Variants in KCNH8 observed in about 807,000 individuals in gnomAD.
KCNH8 encodes potassium voltage-gated channel subfamily H member 8.
Under a neutral mutation model 103.6 loss-of-function variants are expected in KCNH8, and 70 were observed. That is an observed-to-expected ratio of 0.68 (90% CI 0.56 to 0.82). The LOEUF is 0.82. Ranked by LOEUF, KCNH8 falls within the 40% of genes least tolerant of loss-of-function variation. The pLI, the probability that KCNH8 is intolerant of heterozygous loss-of-function variation, is 0.00. For missense variants in KCNH8, 1,217 were observed against 1,329.9 expected, an observed-to-expected ratio of 0.92 and a Z score of 1.32; for synonymous variants, 498 against 489.4, an observed-to-expected ratio of 1.02 and a Z score of -0.23.
intron 15 of KCNH8, 30 bp downstream of exon 15, chr3:19,518,104 A>AGACCAAAG: frequency 1.3e-6 from 2 of 1,540,330 alleles, no homozygotes; most frequent in Non-Finnish European, 1.8e-6. Context: ...GTCATGCCTA[A>AGACCAAAG]ATGGTAAGAG....
chr3:19,299,984 C>T (rs2065045027), intron 3 of KCNH8, among the ~76,000 whole-genome samples: 1 of 151,940 alleles, frequency 6.6e-6, no homozygotes, highest in Non-Finnish European at 1.5e-5. Context: ...CATGGTAGCT[C>T]ACGCCTGTAA....
At chr3:19,392,147 A>G (rs1156432434) in intron 6 of KCNH8, among the ~76,000 whole-genome samples, 1 of 150,320 alleles carries the variant, frequency 6.7e-6, no homozygotes, top group Non-Finnish European at 1.5e-5. Flanking sequence ...TAACATTCTC[A>G]TTCCCCAGAA....
At chr3:19,514,190 G>C (rs572995109) in intron 13 of KCNH8, among the ~76,000 whole-genome samples, 9 of 152,084 alleles carry the variant, frequency 5.9e-5, no homozygotes, top group Admixed American at 2.0e-4. Context: ...TGGATTCAAA[G>C]TTTGTTTTTC....
At position 19,275,507 on chromosome 3, in the gene KCNH8, A is replaced by G. The variant is rs551284335; in HGVS notation, c.311-5691A>G. On this transcript the variant is annotated intron_variant, in intron 2 of 15. Transcript: ENST00000328405. ...AGGGGTATTGACCCGACGTAAATTC[A>G]GTGAGGACTGAGCAAAGACTTGCAG... is the stretch of plus-strand genomic sequence containing the variant. Among the ~76,000 whole-genome samples, 78 of 152,234 alleles carry G rather than the reference A, an allele frequency of 5.1e-4. 1 individual carries two copies. Among genetic ancestry groups the G allele is most frequent in the African/African-American group, 1.9e-3 (78 of 41,540 alleles).
chr3:19,284,258 A>G (rs1219617368), intron 3 of KCNH8, among the ~76,000 whole-genome samples: 4 of 152,160 alleles, frequency 2.6e-5, no homozygotes, highest in Non-Finnish European at 4.4e-5. Flanking sequence ...ATTAATTAAT[A>G]CTGAGGTTCA....
At chr3:19,174,343 A>G (rs1227157530) in intron 1 of KCNH8, among the ~76,000 whole-genome samples, 1 of 152,200 alleles carries the variant, frequency 6.6e-6, no homozygotes, top group Non-Finnish European at 1.5e-5. Context: ...TTTAAAACAC[A>G]AATATGGCAG....
At chr3:19,300,289 G>A (rs566214685) in intron 3 of KCNH8, among the ~76,000 whole-genome samples, 2 of 151,754 alleles carry the variant, frequency 1.3e-5, no homozygotes, top group East Asian at 1.9e-4. Flanking sequence ...ATATGAACAG[G>A]TGTTATATAA....
intron 10 of KCNH8, among the ~76,000 whole-genome samples, chr3:19,452,236 T>C (rs1176297825): frequency 1.3e-5 from 2 of 151,958 alleles, no homozygotes; most frequent in Non-Finnish European, 2.9e-5. Flanking sequence ...ATACAAATAA[T>C]TAGCTGGCCA....
intron 1 of KCNH8, among the ~76,000 whole-genome samples, chr3:19,198,253 A>G (rs1575429834): frequency 6.6e-6 from 1 of 152,132 alleles, no homozygotes; most frequent in Non-Finnish European, 1.5e-5. Flanking sequence ...CTTTATGTAT[A>G]GGGACAGGAT....
chr3:19,510,485 T>C, intron 12 of KCNH8, 84 bp downstream of exon 12: 1 of 879,028 alleles, frequency 1.1e-6, no homozygotes, highest in Non-Finnish European at 1.9e-6. Context: ...TCTTCAGAAT[T>C]TCATGTATTT....
intron 10 of KCNH8, among the ~76,000 whole-genome samples, chr3:19,454,381 C>T (rs1257780068): frequency 1.3e-5 from 2 of 152,012 alleles, no homozygotes; most frequent in Admixed American, 6.6e-5. Flanking sequence ...TACCACTAAA[C>T]GTTTTATAGC....
chr3:19,378,847 C>T (rs950258420), intron 5 of KCNH8, among the ~76,000 whole-genome samples: 1 of 152,148 alleles, frequency 6.6e-6, no homozygotes, highest in Non-Finnish European at 1.5e-5. Context: ...AAAAAATTCT[C>T]CTTGCAAAAC....
chr3:19,284,556 GGA>G lies in KCNH8; in HGVS notation c.442+3240_442+3241del, dbSNP rs1477149173. Among the ~76,000 whole-genome samples, 756 of 134,548 alleles carry G rather than the reference GGA, an allele frequency of 5.6e-3. 3 individuals carry two copies. The highest frequency in any genetic ancestry group is 8.5e-3 in the Non-Finnish European group (528 of 61,908). The allele number at this position is 134,548 out of a possible 152,430, so 88.3% of individuals were successfully genotyped here. On this transcript the variant is annotated intron_variant, in intron 3 of 15. Transcript: ENST00000328405. The stretch of plus-strand genomic sequence containing the variant: ...GTGTGTGTGTGTGTGTGTGTGTGAG[GGA>G]GAGAGAGAGAGAAAGAGAGAGACAG...
chr3:19,198,482 TA>T (rs1213288520), intron 1 of KCNH8, among the ~76,000 whole-genome samples: 3 of 152,000 alleles, frequency 2.0e-5, no homozygotes, highest in East Asian at 1.9e-4. Context: ...TCCTGCCGTT[TA>T]AAAAAAAGAT....
intron 1 of KCNH8, among the ~76,000 whole-genome samples, chr3:19,156,908 A>T (rs2063185868): frequency 6.6e-6 from 1 of 151,800 alleles, no homozygotes; most frequent in South Asian, 2.1e-4. Context: ...TTTTCTCCAC[A>T]ATGAACTTGC....
At position 19,288,193 on chromosome 3, in the gene KCNH8, T is replaced by C. The variant is rs867904046; in HGVS notation, c.442+6864T>C. Among the ~76,000 whole-genome samples the C allele has an allele frequency of 2.1e-3, 271 of 131,506 alleles. 1 individual carries two copies. Among genetic ancestry groups the C allele is most frequent in the African/African-American group, 9.7e-3 (254 of 26,284 alleles). 86.3% of individuals were successfully genotyped at this position (131,506 alleles called of 152,430 possible). ...GTGTATCAAACTTCTTTTTTTTTTTTTTTTTTTTTTTTTTTTTTAGTATTA... is the reference window on the plus strand; with the variant it reads ...GTGTATCAAACTTCTTTTTTTTTTTCTTTTTTTTTTTTTTTTTTAGTATTA... On this transcript the variant is annotated intron_variant, in intron 3 of 15. Transcript: ENST00000328405.
At position 19,513,088 on chromosome 3, in the gene KCNH8, G is replaced by A. The variant is rs2125242635; in HGVS notation, c.2198G>A (p.Arg733Lys). The A allele has an allele frequency of 6.2e-7, 1 of 1,613,850 alleles. No homozygotes were observed. The highest frequency in any genetic ancestry group is 8.5e-7 in the Non-Finnish European group (1 of 1,179,910). The change falls in exon 13 of 16, where the codon AGG becomes AAG. Residue 733 changes from arginine (R) to lysine (K), a missense_variant. Arg to Lys is a conservative substitution (Grantham distance 26). Transcript: ENST00000328405. ...EAVSLSPICTRGSSSRNKKVG... is the reference protein window; with the variant it reads ...EAVSLSPICTKGSSSRNKKVG... ...GTCTCCCTCTCTCCCATCTGCACAA[G>A]GGGATCTTCTTCGCGCAACAAGAAG... is the stretch of plus-strand genomic sequence containing the variant.
intron 2 of KCNH8, among the ~76,000 whole-genome samples, chr3:19,256,998 G>A (rs146990556): frequency 1.3e-5 from 2 of 152,154 alleles, no homozygotes; most frequent in African/African-American, 2.4e-5. Flanking sequence ...AGTGCCTGAC[G>A]CCTGGGGTCT....
intron 1 of KCNH8, among the ~76,000 whole-genome samples, chr3:19,215,219 G>GC (rs2063806915): frequency 6.6e-6 from 1 of 152,178 alleles, no homozygotes; most frequent in Non-Finnish European, 1.5e-5. Flanking sequence ...TTGTGCACTG[G>GC]CATTTACTAA....
Sources: allele counts gnomAD v4.1 joint callset (sites outside exome capture counted in the v4.1 genomes callset), GRCh38; gene constraint gnomAD v4.1.1; transcripts MANE v1.5; gene names NCBI Gene and HGNC (gene_info 2026-07-23, HGNC 2026-07-21).